The following AGBL1 variants were observed in gnomAD, a reference collection of about 807,000 sequenced individuals.
AGBL1 encodes AGBL carboxypeptidase 1, also known as cytosolic carboxypeptidase 4.
Under a neutral mutation model 118.9 loss-of-function variants are expected in AGBL1, and 130 were observed. That is an observed-to-expected ratio of 1.09 (90% CI 0.95 to 1.26). The LOEUF (loss-of-function observed/expected upper bound fraction) is 1.26. Ranked by LOEUF, AGBL1 falls within the 50% of genes most tolerant of loss-of-function variation. The pLI is 0.00. For missense variants in AGBL1, 1,584 were observed against 1,298.1 expected (o/e 1.22, Z -3.38); for synonymous variants, 555 against 478.9 (o/e 1.16, Z -2.08).
At chr15:86,405,792 G>A (rs768215960) in intron 18 of AGBL1, among the ~76,000 whole-genome samples, 3 of 151,996 alleles carry the variant, frequency 2.0e-5, no homozygotes, top group Non-Finnish European at 4.4e-5. Context: ...CTAATACAAG[G>A]TTCGCGCAAG....
chr15:86,826,121 T>C (rs538658219), intron 22 of AGBL1, among the ~76,000 whole-genome samples: 8 of 152,276 alleles, frequency 5.3e-5, no homozygotes, highest in East Asian at 1.9e-4. Flanking sequence ...CTTGTACTTA[T>C]TTGTGTGTGT....
chr15:86,197,991 G>A (rs997851776), intron 5 of AGBL1, among the ~76,000 whole-genome samples: 2 of 152,178 alleles, frequency 1.3e-5, no homozygotes, highest in Non-Finnish European at 2.9e-5. Flanking sequence ...AGGGTGCAAG[G>A]TTGGGTGAGG....
chr15:86,120,402 C>G (rs967490760), intron 1 of AGBL1, among the ~76,000 whole-genome samples: 7 of 152,194 alleles, frequency 4.6e-5, no homozygotes, highest in Non-Finnish European at 2.9e-5. Flanking sequence ...GTGTACTTGT[C>G]TGTCAGTGAA....
At chr15:86,130,655 T>C (rs2076807499) in intron 1 of AGBL1, among the ~76,000 whole-genome samples, 2 of 152,244 alleles carry the variant, frequency 1.3e-5, no homozygotes, top group African/African-American at 4.8e-5. Context: ...ATGCTTGGTA[T>C]AGATTTTTTT....
At chr15:86,471,370 C>T (rs1182843872) in intron 18 of AGBL1, among the ~76,000 whole-genome samples, 1 of 152,040 alleles carries the variant, frequency 6.6e-6, no homozygotes, top group African/African-American at 2.4e-5. Flanking sequence ...TATGATGAAC[C>T]ATCTTTGTAT....
chr15:86,364,892 A>T (rs930316866), intron 17 of AGBL1, among the ~76,000 whole-genome samples: 4 of 149,374 alleles, frequency 2.7e-5, no homozygotes, highest in Admixed American at 6.7e-5. Context: ...TCATGCTTTT[A>T]TGATTATTAC....
intron 22 of AGBL1, among the ~76,000 whole-genome samples, chr15:86,754,129 A>G (rs185691290): frequency 6.3e-4 from 96 of 152,248 alleles, no homozygotes; most frequent in African/African-American, 2.1e-3. Flanking sequence ...CTCTAACTAT[A>G]ATATATTTTA....
chr15:86,888,800 CTG>C (rs1321051557), intron 22 of AGBL1, among the ~76,000 whole-genome samples: 2 of 152,128 alleles, frequency 1.3e-5, no homozygotes, highest in Admixed American at 1.3e-4. Context: ...TGAGTCAAAA[CTG>C]TTAATCAGAA....
intron 21 of AGBL1, among the ~76,000 whole-genome samples, chr15:86,597,555 C>G (rs549961018): frequency 1.3e-5 from 2 of 152,224 alleles, no homozygotes; most frequent in South Asian, 4.2e-4. Flanking sequence ...CAGTTAAACT[C>G]CTAAGCATAT....
At chr15:86,353,510 C>T (rs566561495) in intron 17 of AGBL1, among the ~76,000 whole-genome samples, 1 of 152,104 alleles carries the variant, frequency 6.6e-6, no homozygotes, top group Non-Finnish European at 1.5e-5. Flanking sequence ...AGTGGAAGGT[C>T]CTGCCTTTCC....
chr15:86,990,006 C>A (rs950364511), intron 24 of AGBL1, among the ~76,000 whole-genome samples: 1 of 152,154 alleles, frequency 6.6e-6, no homozygotes, highest in African/African-American at 2.4e-5. Context: ...ATATCAGATG[C>A]TTCATTCCAG....
intron 21 of AGBL1, among the ~76,000 whole-genome samples, chr15:86,641,001 C>T (rs1044801340): frequency 2.6e-5 from 4 of 151,264 alleles, no homozygotes; most frequent in African/African-American, 9.7e-5. Flanking sequence ...TGGCCATTTG[C>T]ATTTATTCTT....
intron 7 of AGBL1, among the ~76,000 whole-genome samples, chr15:86,248,656 G>A (rs893084678): frequency 5.3e-5 from 8 of 152,204 alleles, no homozygotes; most frequent in East Asian, 3.9e-4. Flanking sequence ...AGGATGAGCC[G>A]TTATTGGAAT....
At chr15:86,463,288 G>GTT (rs796139856) in intron 18 of AGBL1, among the ~76,000 whole-genome samples, 1 of 137,360 alleles carries the variant, frequency 7.3e-6, no homozygotes. Context: ...GGGGTTGTTT[G>GTT]TTTTTTTTTT....
In AGBL1 at chr15:86,509,957, T is replaced by TTTC. The variant is rs1002589059; in HGVS notation, c.2556-12851_2556-12850insCTT. Among the ~76,000 whole-genome samples the TTTC allele has an allele frequency of 1.2e-4, 18 of 151,756 alleles. No homozygotes were observed. In the East Asian group the frequency reaches 2.1e-3, roughly 18 times the overall value. ...CAAGGCTGAAGCTCATTTTTTTTTTTTTTTCCTGATTTCTTCTGTGGCACT... is the reference window on the plus strand; with the variant it reads ...CAAGGCTGAAGCTCATTTTTTTTTTTTTCTTTTCCTGATTTCTTCTGTGGCACT... On this transcript the variant is annotated intron_variant, in intron 18 of 22. Transcript: ENST00000614907.
chr15:86,290,170 A>G (rs1214444494), intron 16 of AGBL1, among the ~76,000 whole-genome samples: 1 of 152,112 alleles, frequency 6.6e-6, no homozygotes, highest in Admixed American at 6.6e-5. Flanking sequence ...GATAATGTGT[A>G]CTGTCTCCCT....
At chr15:86,528,668 C>A (rs2083303763) in intron 19 of AGBL1, among the ~76,000 whole-genome samples, 1 of 118,058 alleles carries the variant, frequency 8.5e-6, no homozygotes, top group Non-Finnish European at 1.7e-5. Flanking sequence ...CACAGACAAA[C>A]AAAAAGACAG....
intron 22 of AGBL1, among the ~76,000 whole-genome samples, chr15:86,794,648 A>G (rs914716641): frequency 6.6e-6 from 1 of 152,130 alleles, no homozygotes; most frequent in Non-Finnish European, 1.5e-5. Context: ...CAAAAAAAAA[A>G]CATGCAGGGT....
intron 6 of AGBL1, among the ~76,000 whole-genome samples, chr15:86,231,702 A>G (rs2078457781): frequency 6.6e-6 from 1 of 152,238 alleles, no homozygotes; most frequent in African/African-American, 2.4e-5. Flanking sequence ...AAGTTTGGAA[A>G]GCTGAAGTAA....
Sources: gnomAD v4.1 joint callset for allele counts (sites outside exome capture counted in the v4.1 genomes callset) on GRCh38, gnomAD v4.1.1 for gene constraint, MANE v1.5 for transcripts, NCBI Gene and HGNC (gene_info 2026-07-23, HGNC 2026-07-21) for gene names.